ZDHHC20: variants seen among roughly 807,000 people sequenced by gnomAD.
ZDHHC20 encodes palmitoyltransferase ZDHHC20.
A neutral mutation model predicts 57.8 loss-of-function variants in ZDHHC20; 43 were observed. The ratio of observed to expected loss-of-function variants is 0.74; its 90% CI spans 0.58 to 0.96. ZDHHC20 has a LOEUF of 0.96. Ranked by LOEUF, ZDHHC20 falls within the 40% of genes least tolerant of loss-of-function variation. The pLI is 0.00. For synonymous variants in ZDHHC20, 157 were observed against 153.0 expected, an observed-to-expected ratio of 1.03 and a Z score of -0.19; for missense variants, 391 against 441.1, an observed-to-expected ratio of 0.89 and a Z score of 1.02.
At chr13:21,402,949 AAT>A in intron 4 of ZDHHC20, 83 bp from the exon 5 acceptor site, 1 of 1,061,598 alleles carries the variant, frequency 9.4e-7, no homozygotes, top group Admixed American at 2.2e-5. Context: ...TTCTAAAAAA[AAT>A]AACTCTGGGT....
intron 4 of ZDHHC20, among the ~76,000 whole-genome samples, chr13:21,403,364 G>T (rs1354096686): frequency 2.7e-5 from 4 of 150,034 alleles, no homozygotes; most frequent in African/African-American, 4.9e-5. Flanking sequence ...ATGCATTTTT[G>T]AATAAAAACT....
chr13:21,429,074 A>T (rs757267411), intron 1 of ZDHHC20, among the ~76,000 whole-genome samples: 1 of 152,228 alleles, frequency 6.6e-6, no homozygotes, highest in Non-Finnish European at 1.5e-5. Flanking sequence ...TCTTCACTTC[A>T]TTGCCCCCTT....
chr13:21,441,956 G>A (rs1265575596), intron 1 of ZDHHC20, among the ~76,000 whole-genome samples: 1 of 152,112 alleles, frequency 6.6e-6, no homozygotes, highest in Non-Finnish European at 1.5e-5. Flanking sequence ...ATGTTACCAA[G>A]TAATAGACAT....
Position 21,376,134 on chromosome 13 carries a change from T to G in ZDHHC20, c.*562A>C, listed in dbSNP as rs1872035025. The stretch of plus-strand genomic sequence containing the variant: ...CTGTTATAGCCAACAATAAAAAAAG[T>G]TATTAAAAATGTTGAAAAGTATAAA... On this transcript the variant is annotated 3_prime_UTR_variant, in exon 13 of 13. Coordinates refer to ENST00000400590, the MANE Select transcript of ZDHHC20 (RefSeq NM_001330059.2). 1 of 152,178 alleles carries G rather than the reference T, an allele frequency of 6.6e-6. No homozygotes were observed. 9.4% of individuals were successfully genotyped at this position (152,178 alleles called of 1,614,324 possible).
In ZDHHC20 at chr13:21,372,615, C is replaced by G. The variant is rs148483168; in HGVS notation, c.*4081G>C. On this transcript the variant is annotated 3_prime_UTR_variant, in exon 13 of 13. Transcript: ENST00000400590. ...TTATTAATAAAGTAATTCATTATGA[C>G]TTTTGAAAAAAAAAGTTTTAAAATG... 6.6e-6 allele frequency: 1 copy of G among 151,944 alleles called. No individual in the cohort carries two copies. Among genetic ancestry groups the G allele is most frequent in the East Asian group, 1.9e-4 (1 of 5,186 alleles). 9.4% of individuals were successfully genotyped at this position (151,944 alleles called of 1,614,324 possible). A position where few individuals can be genotyped will look rare whatever the true frequency, so the allele number is the denominator to read the frequency against.
intron 1 of ZDHHC20, among the ~76,000 whole-genome samples, chr13:21,446,973 T>C (rs1055418920): frequency 2.6e-5 from 4 of 152,108 alleles, no homozygotes; most frequent in Non-Finnish European, 4.4e-5. Flanking sequence ...GATATCTTGC[T>C]GAGCAAGAAA....
chr13:21,421,592 A>G (rs1301058518), intron 2 of ZDHHC20, among the ~76,000 whole-genome samples: 1 of 152,196 alleles, frequency 6.6e-6, no homozygotes, highest in African/African-American at 2.4e-5. Flanking sequence ...TAAATGATGA[A>G]TACATCTGAG....
intron 1 of ZDHHC20, among the ~76,000 whole-genome samples, chr13:21,449,017 C>A (rs1566117737): frequency 8.3e-6 from 1 of 119,860 alleles, no homozygotes; most frequent in Non-Finnish European, 1.9e-5. Flanking sequence ...TGCTTGAAGG[C>A]AGCATGCTTG....
chr13:21,450,801 C>A (rs1267091087), intron 1 of ZDHHC20, among the ~76,000 whole-genome samples: 1 of 150,736 alleles, frequency 6.6e-6, no homozygotes, highest in Non-Finnish European at 1.5e-5. Flanking sequence ...GTAACTCAGG[C>A]TGGAGTGCAG....
At chr13:21,386,674 G>A (rs925283623) in intron 9 of ZDHHC20, among the ~76,000 whole-genome samples, 7 of 152,006 alleles carry the variant, frequency 4.6e-5, no homozygotes, top group African/African-American at 7.2e-5. Flanking sequence ...TCAGCCTCCC[G>A]AGTAGCTGGG....
At chr13:21,438,932 C>A (rs981859836) in intron 1 of ZDHHC20, among the ~76,000 whole-genome samples, 5 of 152,208 alleles carry the variant, frequency 3.3e-5, no homozygotes, top group Non-Finnish European at 7.3e-5. Flanking sequence ...TTGCTGAAGG[C>A]TTAGGTGACT....
intron 1 of ZDHHC20, among the ~76,000 whole-genome samples, chr13:21,426,899 C>T (rs749419621): frequency 2.6e-5 from 4 of 152,144 alleles, no homozygotes; most frequent in Admixed American, 6.5e-5. Context: ...TGAGCCACCG[C>T]GCCAGGCCCT....
chr13:21,440,068 GAAAAAA>G (rs376263181), intron 1 of ZDHHC20, among the ~76,000 whole-genome samples: 1 of 89,790 alleles, frequency 1.1e-5, no homozygotes, highest in African/African-American at 4.6e-5. Flanking sequence ...CTGTTTCTCA[GAAAAAA>G]AAAAAAAAAA....
At chr13:21,392,514 G>C (rs911705674) in intron 7 of ZDHHC20, among the ~76,000 whole-genome samples, 1 of 152,094 alleles carries the variant, frequency 6.6e-6, no homozygotes, top group African/African-American at 2.4e-5. Flanking sequence ...CAGAGCCTTT[G>C]TGCATAGTTA....
chr13:21,413,604 G>A (rs758949975), intron 4 of ZDHHC20, 48 bp downstream of exon 4: 27 of 1,533,150 alleles, frequency 1.8e-5, no homozygotes, highest in Non-Finnish European at 2.3e-5. Context: ...GCAGGAATAA[G>A]CATACTTTAA....
intron 6 of ZDHHC20, among the ~76,000 whole-genome samples, chr13:21,401,225 G>A (rs752617580): frequency 1.6e-4 from 25 of 152,078 alleles, no homozygotes; most frequent in Non-Finnish European, 2.5e-4. Flanking sequence ...GCTGCAGTGA[G>A]ACAAGATCAT....
intron 2 of ZDHHC20, among the ~76,000 whole-genome samples, chr13:21,421,407 T>C (rs545107235): frequency 1.3e-3 from 195 of 152,298 alleles, no homozygotes; most frequent in African/African-American, 4.3e-3. Flanking sequence ...TAAGAGGAGA[T>C]TTGATTGTAT....
rs757263644 is a variant in ZDHHC20 at position 21,372,632 on chromosome 13, T to C, written c.*4064A>G. On this transcript the variant is annotated 3_prime_UTR_variant, in exon 13 of 13. Coordinates refer to ENST00000400590, the MANE Select transcript of ZDHHC20 (RefSeq NM_001330059.2). ...CATTATGACTTTTGAAAAAAAAAGT[T>C]TTAAAATGTTCTGTGTACATGTCAA... 5.3e-5 allele frequency: 8 copies of C among 152,158 alleles called. No individual in the cohort carries two copies. Among genetic ancestry groups the C allele is most frequent in the Non-Finnish European group, 8.8e-5 (6 of 68,016 alleles). 9.4% of individuals were successfully genotyped at this position (152,158 alleles called of 1,614,324 possible). A position where few individuals can be genotyped will look rare whatever the true frequency, so the allele number is the denominator to read the frequency against.
At chr13:21,402,967 ATAAC>A in intron 4 of ZDHHC20, 101 bp from the exon 5 acceptor site, 2 of 817,832 alleles carry the variant, frequency 2.4e-6, no homozygotes, top group Non-Finnish European at 4.0e-6. Flanking sequence ...TGGGTAATTG[ATAAC>A]TAATAATTTT....
Sources: gnomAD v4.1 joint callset for allele counts (sites outside exome capture counted in the v4.1 genomes callset) on GRCh38, gnomAD v4.1.1 for gene constraint, MANE v1.5 for transcripts, NCBI Gene and HGNC (gene_info 2026-07-23, HGNC 2026-07-21) for gene names.